The following GAD2 variants were observed in gnomAD, a reference collection of about 807,000 sequenced individuals.
GAD2 encodes the protein 65 kDa glutamic acid decarboxylase.
A neutral mutation model predicts 80.1 loss-of-function variants in GAD2; 22 were observed. That is an observed-to-expected ratio of 0.27 (90% CI 0.20 to 0.39). The LOEUF (loss-of-function observed/expected upper bound fraction) is 0.39. Ranked by LOEUF, GAD2 falls within the 10% of genes least tolerant of loss-of-function variation. The pLI is 1.00. For missense variants in GAD2, 624 were observed against 738.4 expected (o/e 0.85, Z 1.80); for synonymous variants, 274 against 256.9 (o/e 1.07, Z -0.64).
intron 7 of GAD2, among the ~76,000 whole-genome samples, chr10:26,231,321 T>A (rs1035141182): frequency 4.6e-5 from 7 of 152,214 alleles, no homozygotes; most frequent in African/African-American, 1.7e-4. Context: ...ACCATGAACT[T>A]TTTCTATTTC....
chr10:26,256,261 TAGAG>T (rs113520362), intron 8 of GAD2, among the ~76,000 whole-genome samples: 2 of 151,220 alleles, frequency 1.3e-5, no homozygotes, highest in Admixed American at 6.6e-5. Flanking sequence ...TATATATATA[TAGAG>T]AGAGAACCAT....
intron 14 of GAD2, 72 bp from the exon 15 acceptor site, chr10:26,292,830 A>G: frequency 5.6e-6 from 7 of 1,252,688 alleles, no homozygotes; most frequent in Non-Finnish European, 8.2e-6. Context: ...GAATACATCG[A>G]TTTGAAATGT....
chr10:26,240,292 G>A (rs1477314342), intron 7 of GAD2, among the ~76,000 whole-genome samples: 2 of 152,092 alleles, frequency 1.3e-5, no homozygotes, highest in African/African-American at 2.4e-5. Flanking sequence ...AGCCTGATAC[G>A]CTCCTTCTCA....
chr10:26,274,496 T>G (rs1170909191), intron 11 of GAD2, among the ~76,000 whole-genome samples: 2 of 152,192 alleles, frequency 1.3e-5, no homozygotes, highest in Non-Finnish European at 2.9e-5. Flanking sequence ...GCACTCCAAG[T>G]GACCAAGAAA....
In GAD2 at chr10:26,223,854, G is replaced by T. The variant is rs201452676; in HGVS notation, c.521-33G>T. On this transcript the variant is annotated intron_variant, in intron 4 of 15. Transcript: ENST00000376261. Reference sequence around the variant, plus strand: ...TGAGAGGCATTTATTTTCACTGGAGGCAATCCTGATTCTGGTATTCCATTT... The same window carrying T: ...TGAGAGGCATTTATTTTCACTGGAGTCAATCCTGATTCTGGTATTCCATTT... 1.1e-5 allele frequency: 15 copies of T among 1,392,844 alleles called. No individual in the cohort carries two copies. In the East Asian group the frequency reaches 3.2e-4, roughly 30 times the overall value. 86.3% of individuals were successfully genotyped at this position (1,392,844 alleles called of 1,614,324 possible).
chr10:26,286,622 C>A, intron 13 of GAD2, 128 bp downstream of exon 13: 1 of 916,886 alleles, frequency 1.1e-6, no homozygotes, highest in Non-Finnish European at 1.6e-6. Context: ...TTTCTTTAAA[C>A]TTGCGTCTAA....
chr10:26,250,877 CTTTTTTTTTT>C (rs1181428173), intron 8 of GAD2, among the ~76,000 whole-genome samples: 1 of 112,952 alleles, frequency 8.9e-6, no homozygotes, highest in Non-Finnish European at 1.8e-5. Context: ...GTTTTTTTTC[CTTTTTTTTTT>C]TTTTTTTTTT....
At chr10:26,223,474 T>C (rs989729480) in intron 4 of GAD2, among the ~76,000 whole-genome samples, 2 of 152,152 alleles carry the variant, frequency 1.3e-5, no homozygotes, top group African/African-American at 4.8e-5. Context: ...TCTAGCAGCA[T>C]GAGTATAAAG....
intron 12 of GAD2, among the ~76,000 whole-genome samples, chr10:26,284,951 C>T (rs1277272082): frequency 6.6e-6 from 1 of 152,140 alleles, no homozygotes; most frequent in African/African-American, 2.4e-5. Flanking sequence ...CAGCATTCCA[C>T]ACTCTCTGAG....
In GAD2 at chr10:26,303,451, G is replaced by A. The variant is rs1383636528; in HGVS notation, c.*2490G>A. 4 of 123,842 alleles carry A rather than the reference G, an allele frequency of 3.2e-5. No individual in the cohort carries two copies. Among genetic ancestry groups the A allele is most frequent in the Non-Finnish European group, 6.4e-5 (4 of 62,304 alleles). 7.7% of individuals were successfully genotyped at this position (123,842 alleles called of 1,614,324 possible). ...AGAAGAGAGTAAGGGAGGAAGGGAGGGAGGGAGGGAGGGAGGGAAGGAGGG... is the reference window on the plus strand; with the variant it reads ...AGAAGAGAGTAAGGGAGGAAGGGAGAGAGGGAGGGAGGGAGGGAAGGAGGG... On this transcript the variant is annotated 3_prime_UTR_variant, in exon 16 of 16. Coordinates refer to ENST00000376261, the MANE Select transcript of GAD2 (RefSeq NM_001134366.2).
At position 26,217,723 on chromosome 10, in the gene GAD2, C is replaced by T; in HGVS notation, c.136+54C>T. Reference sequence around the variant, plus strand: ...GGTCGGCCCGCGGGGTCCAAGCAGTCTTCTCACCTCCGCATCCCAGTCAGC... The same window carrying T: ...GGTCGGCCCGCGGGGTCCAAGCAGTTTTCTCACCTCCGCATCCCAGTCAGC... On this transcript the variant is annotated intron_variant, in intron 2 of 15. Transcript: ENST00000376261. The surrounding 1 kb of genome is among the most constrained non-coding windows in gnomAD (Gnocchi z 4.9). 1.9e-6 allele frequency: 3 copies of T among 1,599,472 alleles called. No homozygotes were observed. Among genetic ancestry groups the T allele is most frequent in the Non-Finnish European group, 2.6e-6 (3 of 1,172,288 alleles).
rs1834330745 is a variant in GAD2, at chr10:26,301,638, G to A, written c.*677G>A. ...AAGTTATTTTGAAACATTGACCCAC[G>A]AAATTCTTAAAAGGTATTATTGCTT... On this transcript the variant is annotated 3_prime_UTR_variant, in exon 16 of 16. Coordinates refer to ENST00000376261, the MANE Select transcript of GAD2 (RefSeq NM_001134366.2). 6.6e-6 allele frequency: 1 copy of A among 151,978 alleles called. No homozygotes were observed. The highest frequency in any genetic ancestry group is 1.5e-5 in the Non-Finnish European group (1 of 68,016). The allele number at this position is 151,978 out of a possible 1,614,324, so 9.4% of individuals were successfully genotyped here.
intron 7 of GAD2, among the ~76,000 whole-genome samples, chr10:26,242,152 A>AT (rs1844751258): frequency 6.6e-6 from 1 of 151,804 alleles, no homozygotes; most frequent in African/African-American, 2.4e-5. Flanking sequence ...TGCCTGGCTA[A>AT]TTTTTTTGTA....
chr10:26,260,499 G>A (rs1003586094), intron 8 of GAD2, among the ~76,000 whole-genome samples: 3 of 152,006 alleles, frequency 2.0e-5, no homozygotes, highest in Admixed American at 2.0e-4. Flanking sequence ...GTGATGGCGC[G>A]TGGCTGTATT....
chr10:26,270,207 C>G (rs1300400789), intron 9 of GAD2, among the ~76,000 whole-genome samples: 1 of 152,156 alleles, frequency 6.6e-6, no homozygotes, highest in East Asian at 1.9e-4. Flanking sequence ...GAATAATGGG[C>G]TGGTCAGAGC....
At chr10:26,279,964 A>T (rs538198207) in intron 11 of GAD2, among the ~76,000 whole-genome samples, 206 of 152,366 alleles carry the variant, frequency 1.4e-3, no homozygotes, top group Non-Finnish European at 2.7e-3. Context: ...CGAGTTAAGC[A>T]GTGGAATGAG....
intron 12 of GAD2, among the ~76,000 whole-genome samples, chr10:26,284,217 A>G (rs1317317185): frequency 6.6e-6 from 1 of 152,200 alleles, no homozygotes. Flanking sequence ...TTCCCCAATA[A>G]GAGAGTTCTC....
At chr10:26,251,498 A>T (rs900030681) in intron 8 of GAD2, among the ~76,000 whole-genome samples, 1 of 152,246 alleles carries the variant, frequency 6.6e-6, no homozygotes, top group Non-Finnish European at 1.5e-5. Context: ...TGACAAATGT[A>T]AAATGCTGAA....
intron 4 of GAD2, among the ~76,000 whole-genome samples, chr10:26,222,211 A>C (rs900971169): frequency 2.0e-5 from 3 of 152,110 alleles, no homozygotes; most frequent in African/African-American, 7.2e-5. Flanking sequence ...TGTTTACGGA[A>C]AGTTATCATC....
Sources: gnomAD v4.1 joint callset for allele counts (sites outside exome capture counted in the v4.1 genomes callset) on GRCh38, gnomAD v4.1.1 for gene constraint, Gnocchi (gnomAD v3.1) non-coding constraint, MANE v1.5 for transcripts, NCBI Gene and HGNC (gene_info 2026-07-23, HGNC 2026-07-21) for gene names.